Variants in PTPRN2 observed in about 807,000 individuals in gnomAD.
PTPRN2 encodes protein tyrosine phosphatase receptor type N2, also known as receptor-type tyrosine-protein phosphatase N2.
In PTPRN2, 74 loss-of-function variants were observed where a neutral mutation model predicts 118.8. That is an observed-to-expected ratio of 0.62 (90% CI 0.52 to 0.76). The LOEUF (loss-of-function observed/expected upper bound fraction) is 0.76. Among genes scored for constraint, PTPRN2 ranks in the 30% least tolerant of loss-of-function variants. The probability of loss-of-function intolerance (pLI) is 0.00; values close to 1 mark genes in which losing one functional copy is unlikely to be tolerated. For missense variants in PTPRN2, 1,481 were observed against 1,394.4 expected (o/e 1.06, Z -0.99); for synonymous variants, 641 against 608.0 (o/e 1.05, Z -0.80).
intron 21 of PTPRN2, among the ~76,000 whole-genome samples, chr7:157,549,317 C>CTTTTTTTTTTTT (rs1265288004): frequency 7.8e-6 from 1 of 128,300 alleles, no homozygotes; most frequent in African/African-American, 2.9e-5. Flanking sequence ...TCTTTTCTTT[C>CTTTTTTTTTTTT]TTTTCTTTTT....
intron 2 of PTPRN2, among the ~76,000 whole-genome samples, chr7:158,336,761 C>G (rs1378122175): frequency 1.9e-5 from 2 of 104,242 alleles, no homozygotes; most frequent in African/African-American, 3.3e-5. Flanking sequence ...CACCCACAGT[C>G]TCACCATAAG....
At chr7:158,252,535 A>C (rs1408814812) in intron 3 of PTPRN2, among the ~76,000 whole-genome samples, 1 of 152,096 alleles carries the variant, frequency 6.6e-6, no homozygotes, top group Non-Finnish European at 1.5e-5. Context: ...CCAGCCCTGC[A>C]CCAGTTACCA....
At chr7:157,669,736 A>G (rs1279828670) in intron 13 of PTPRN2, among the ~76,000 whole-genome samples, 1 of 152,210 alleles carries the variant, frequency 6.6e-6, no homozygotes, top group Non-Finnish European at 1.5e-5. Flanking sequence ...CTAAATGTGG[A>G]ACAGTCTTGG....
At chr7:157,804,129 A>T (rs76332066) in intron 12 of PTPRN2, among the ~76,000 whole-genome samples, 2,900 of 152,364 alleles carry the variant, frequency 0.019, 82 homozygotes, top group South Asian at 0.12. Flanking sequence ...CTTAAGAAAC[A>T]GGCGCAAGCC....
In PTPRN2 at chr7:157,893,759, G is replaced by C. The variant is rs1021909666; in HGVS notation, c.1788+4914C>G. On this transcript the variant is annotated intron_variant, in intron 12 of 22. Coordinates refer to ENST00000389418, the MANE Select transcript of PTPRN2 (RefSeq NM_002847.5). The surrounding 1 kb of genome is among the most constrained non-coding windows in gnomAD (Gnocchi z 4.0). ...GAGACGTAGGCTTGGGATCATCATCGAACAGATAACATAAAAAGCCAGGGC... is the reference window on the plus strand; with the variant it reads ...GAGACGTAGGCTTGGGATCATCATCCAACAGATAACATAAAAAGCCAGGGC... 6.6e-5 allele frequency among the ~76,000 whole-genome samples: 10 copies of C among 152,134 alleles called. No homozygotes were observed. Among genetic ancestry groups the C allele is most frequent in the Non-Finnish European group, 1.2e-4 (8 of 68,028 alleles).
At chr7:158,461,222 G>A (rs1354926243) in intron 2 of PTPRN2, among the ~76,000 whole-genome samples, 13 of 152,100 alleles carry the variant, frequency 8.5e-5, no homozygotes, top group Non-Finnish European at 5.9e-5. Flanking sequence ...AAGGCCGGGC[G>A]CGGTGGCTCA....
At chr7:158,136,198 C>T (rs986033138) in intron 8 of PTPRN2, among the ~76,000 whole-genome samples, 3 of 152,188 alleles carry the variant, frequency 2.0e-5, no homozygotes, top group Non-Finnish European at 4.4e-5. Context: ...CTGCATCTTT[C>T]ATTTATTTAA....
intron 1 of PTPRN2, among the ~76,000 whole-genome samples, chr7:158,556,815 C>CGCTCCCACGCAGGTCAGGCA (rs1554533401): frequency 1.4e-5 from 2 of 145,004 alleles, no homozygotes; most frequent in Admixed American, 6.8e-5. Flanking sequence ...CCGCGCAGGT[C>CGCTCCCACGCAGGTCAGGCA]GCTCCCACGC....
chr7:157,821,794 G>T (rs944860784), intron 12 of PTPRN2, among the ~76,000 whole-genome samples: 1 of 152,092 alleles, frequency 6.6e-6, no homozygotes, highest in Non-Finnish European at 1.5e-5. Flanking sequence ...GGAAACCAAT[G>T]GTTGTTGATG....
intron 2 of PTPRN2, among the ~76,000 whole-genome samples, chr7:158,336,365 A>C (rs1471628632): frequency 6.8e-6 from 1 of 146,748 alleles, no homozygotes; most frequent in Non-Finnish European, 1.5e-5. Context: ...CACTCTCACC[A>C]TAAGAGCTGA....
At chr7:157,750,313 C>T (rs1474201352) in intron 12 of PTPRN2, among the ~76,000 whole-genome samples, 1 of 152,172 alleles carries the variant, frequency 6.6e-6, no homozygotes, top group Non-Finnish European at 1.5e-5. Flanking sequence ...ACGATCAAAA[C>T]AATCAAATCT....
chr7:158,271,094 GGGCT>G (rs1274341160), intron 3 of PTPRN2, among the ~76,000 whole-genome samples: 2 of 117,612 alleles, frequency 1.7e-5, no homozygotes, highest in African/African-American at 6.2e-5. Context: ...CCCTCCACCT[GGGCT>G]GCCCCCTCCA....
At chr7:157,759,196 G>C (rs879921172) in intron 12 of PTPRN2, among the ~76,000 whole-genome samples, 2 of 152,244 alleles carry the variant, frequency 1.3e-5, no homozygotes, top group Non-Finnish European at 2.9e-5. Flanking sequence ...GGGCGCCGTG[G>C]GCGCAGGCGG....
chr7:158,323,412 G>A (rs1803200126), intron 2 of PTPRN2, among the ~76,000 whole-genome samples: 1 of 152,196 alleles, frequency 6.6e-6, no homozygotes, highest in African/African-American at 2.4e-5. Context: ...CTGCCTCTGG[G>A]ACCGGAATGG....
At chr7:157,919,171 A>T (rs1464071230) in intron 11 of PTPRN2, among the ~76,000 whole-genome samples, 1 of 152,216 alleles carries the variant, frequency 6.6e-6, no homozygotes, top group Non-Finnish European at 1.5e-5. Context: ...AATGGAACCG[A>T]TCAGATATTA....
intron 2 of PTPRN2, among the ~76,000 whole-genome samples, chr7:158,480,402 G>T (rs28556676): frequency 0.22 from 33,226 of 151,932 alleles, 3,885 homozygotes; most frequent in South Asian, 0.31. Context: ...CTCCCATCTC[G>T]CTCCCTCTCC....
At chr7:157,743,038 T>C (rs1475145118) in intron 12 of PTPRN2, among the ~76,000 whole-genome samples, 2 of 152,198 alleles carry the variant, frequency 1.3e-5, no homozygotes, top group Non-Finnish European at 2.9e-5. Flanking sequence ...AACCTTGTAA[T>C]GAATGGACCA....
rs1421869376 is a variant in PTPRN2 at position 158,207,629 on chromosome 7, G to T, written c.278-2356C>A. ...GAAAAAAACAACCCCATCAAAAAGT[G>T]GGCAAAGTCTTTTCAAATACCTGGA... is the stretch of plus-strand genomic sequence containing the variant. On this transcript the variant is annotated intron_variant, in intron 3 of 22. Coordinates refer to ENST00000389418, the MANE Select transcript of PTPRN2 (RefSeq NM_002847.5). Among the ~76,000 whole-genome samples, 4 of 152,124 alleles carry T rather than the reference G, an allele frequency of 2.6e-5. No homozygotes were observed. The East Asian group carries it at 5.8e-4, about 22-fold the overall frequency.
At chr7:158,116,908 C>G (rs1327254173) in intron 9 of PTPRN2, among the ~76,000 whole-genome samples, 1 of 152,036 alleles carries the variant, frequency 6.6e-6, no homozygotes, top group African/African-American at 2.4e-5. Flanking sequence ...ACAAAGACAG[C>G]CTACAAAAAA....
Sources: allele counts gnomAD v4.1 joint callset (sites outside exome capture counted in the v4.1 genomes callset), GRCh38; gene constraint gnomAD v4.1.1; non-coding constraint Gnocchi (gnomAD v3.1); transcripts MANE v1.5; gene names NCBI Gene and HGNC (gene_info 2026-07-23, HGNC 2026-07-21).